The following STARD9 variants were observed in gnomAD, a reference collection of about 807,000 sequenced individuals.
The protein encoded by STARD9 is StAR related lipid transfer domain containing 9, also known as stAR-related lipid transfer protein 9.
In STARD9, 346 loss-of-function variants were observed where a neutral mutation model predicts 399.8. That is an observed-to-expected ratio of 0.87 (90% CI 0.79 to 0.95). The LOEUF (loss-of-function observed/expected upper bound fraction) is 0.95, where lower values mean the gene tolerates loss of function less well. STARD9 is among the 40% of genes least tolerant of loss of function. STARD9 has a pLI of 0.00. For missense variants in STARD9, 5,832 were observed against 5,667.5 expected (o/e 1.03, Z -0.93); for synonymous variants, 2,203 against 2,143.5 (o/e 1.03, Z -0.77).
rs1346931215 is a variant in STARD9 at position 42,684,269 on chromosome 15, C to T, written c.2691C>T (p.Ser897=). The T allele has an allele frequency of 1.3e-6, 2 of 1,537,146 alleles. No individual in the cohort carries two copies. The highest frequency in any genetic ancestry group is 1.4e-5 in the African/African-American group (1 of 73,068). Residue 897 remains serine (S), a synonymous_variant, in exon 23 of 33, where the codon TCC becomes TCT. Coordinates refer to ENST00000290607, the MANE Select transcript of STARD9 (RefSeq NM_020759.3). ...GCCTCCGCAAGAACGGCCTGCATTC[C>T]TCAGGTCATGGGCAGCCCTGCACAG... ...TGCLRKNGLH[S]SGHGQPCTAR...
chr15:42,679,114 C>A (rs572948171), intron 20 of STARD9, among the ~76,000 whole-genome samples: 1 of 152,292 alleles, frequency 6.6e-6, no homozygotes, highest in East Asian at 1.9e-4. Context: ...TCAGGGAGTT[C>A]AGATAAAGAC....
At chr15:42,704,307 AT>A (rs1171813877) in intron 26 of STARD9, among the ~76,000 whole-genome samples, 5 of 152,322 alleles carry the variant, frequency 3.3e-5, no homozygotes, top group African/African-American at 1.2e-4. Flanking sequence ...CAAAACAACT[AT>A]TTTGAATTCC....
At chr15:42,666,239 T>G (rs1454958301) in intron 15 of STARD9, among the ~76,000 whole-genome samples, 1 of 152,076 alleles carries the variant, frequency 6.6e-6, no homozygotes, top group Non-Finnish European at 1.5e-5. Context: ...GGAAACACAT[T>G]TAGAGAATGG....
intron 7 of STARD9, among the ~76,000 whole-genome samples, chr15:42,648,691 C>G (rs184682039): frequency 6.6e-6 from 1 of 152,144 alleles, no homozygotes; most frequent in African/African-American, 2.4e-5. Flanking sequence ...TGCTGGGATT[C>G]TTGAATTGTG....
Position 42,663,438 on chromosome 15 carries a change from C to A in STARD9, c.1026C>A (p.Thr342=). 4 of 1,537,310 alleles carry A rather than the reference C, an allele frequency of 2.6e-6. No homozygotes were observed. Among genetic ancestry groups the A allele is most frequent in the Non-Finnish European group, 2.6e-6 (3 of 1,146,918 alleles). ...TCCCATACCGAGACTCTGTGTTGAC[C>A]TGGCTGCTGAAGGACAGCCTTGGAG... is the stretch of plus-strand genomic sequence containing the variant. ...SYIPYRDSVL[T]WLLKDSLGGN... Residue 342 remains threonine, a synonymous_variant, in exon 12 of 33, where the codon ACC becomes ACA. Coordinates refer to ENST00000290607, the MANE Select transcript of STARD9 (RefSeq NM_020759.3).
chr15:42,592,078 C>T (rs2058407417), intron 3 of STARD9, among the ~76,000 whole-genome samples: 1 of 152,188 alleles, frequency 6.6e-6, no homozygotes, highest in Non-Finnish European at 1.5e-5. Flanking sequence ...TACTAGTGAT[C>T]TGATCATCTC....
intron 29 of STARD9, 61 bp from the exon 30 acceptor site, chr15:42,717,916 G>C: frequency 6.6e-7 from 1 of 1,516,232 alleles, no homozygotes; most frequent in Non-Finnish European, 8.9e-7. Context: ...CCCCTCCTTT[G>C]TGACCCTTAG....
Position 42,710,917 on chromosome 15 carries a change from G to C in STARD9, c.13285-5760G>C, listed in dbSNP as rs955525958. ...TCTCTCTCTCTCTCTCTCTCTCTGT[G>C]TGTGTGTGTCTGTCTCCCTGTCTGT... is the stretch of plus-strand genomic sequence containing the variant. On this transcript the variant is annotated intron_variant, in intron 26 of 32. Coordinates refer to ENST00000290607, the MANE Select transcript of STARD9 (RefSeq NM_020759.3). Among the ~76,000 whole-genome samples, 231 of 142,352 alleles carry C rather than the reference G, an allele frequency of 1.6e-3. 1 individual carries two copies. Among genetic ancestry groups the C allele is most frequent in the African/African-American group, 6.4e-3 (215 of 33,660 alleles). 93.4% of individuals were successfully genotyped at this position (142,352 alleles called of 152,430 possible). A position where few individuals can be genotyped will look rare whatever the true frequency, so the allele number is the denominator to read the frequency against.
At chr15:42,659,037 C>T (rs765997544) in intron 9 of STARD9, among the ~76,000 whole-genome samples, 1 of 152,098 alleles carries the variant, frequency 6.6e-6, no homozygotes, top group Non-Finnish European at 1.5e-5. Context: ...TGCTTGAACC[C>T]AGCAGGCAGA....
intron 26 of STARD9, among the ~76,000 whole-genome samples, chr15:42,715,982 A>G (rs1479190335): frequency 1.3e-5 from 2 of 152,150 alleles, no homozygotes; most frequent in African/African-American, 4.8e-5. Flanking sequence ...ACAGCAGGTG[A>G]GAAGGAGATG....
rs1051210319 is a variant in STARD9, at chr15:42,664,285, A to G, written c.1176+368A>G. 2.6e-5 allele frequency among the ~76,000 whole-genome samples: 4 copies of G among 152,136 alleles called. No individual in the cohort carries two copies. The South Asian group carries it at 6.2e-4, about 24-fold the overall frequency. On this transcript the variant is annotated intron_variant, in intron 13 of 32. Transcript: ENST00000290607. ...GAGCGCAGTGGTGCAATAATGGCTC[A>G]CTCTAAGAAAGTTCATTTAAAAAGT...
rs1566948754 is a variant in STARD9 at position 42,692,699 on chromosome 15, G to A, written c.11121G>A (p.Glu3707=). The A allele has an allele frequency of 6.5e-6, 10 of 1,537,108 alleles. No individual in the cohort carries two copies. The highest frequency in any genetic ancestry group is 1.4e-5 in the African/African-American group (1 of 73,130). Residue 3707 remains glutamate, a synonymous_variant, in exon 23 of 33, where the codon GAG becomes GAA. Coordinates refer to ENST00000290607, the MANE Select transcript of STARD9 (RefSeq NM_020759.3). ...SLSQPDVARR[E]QNTKRDIPDK... Reference sequence around the variant, plus strand: ...CCCAGCCAGATGTGGCCAGAAGGGAGCAGAACACCAAGAGGGACATCCCAG... The same window carrying A: ...CCCAGCCAGATGTGGCCAGAAGGGAACAGAACACCAAGAGGGACATCCCAG...
At chr15:42,683,282 T>C (rs1451443589) in intron 22 of STARD9, among the ~76,000 whole-genome samples, 1 of 152,240 alleles carries the variant, frequency 6.6e-6, no homozygotes, top group Non-Finnish European at 1.5e-5. Context: ...AAAAAAACTT[T>C]ATTATGAAAA....
chr15:42,652,417 C>T (rs941680305), intron 8 of STARD9, 103 bp from the exon 9 acceptor site: 6 of 939,014 alleles, frequency 6.4e-6, no homozygotes, highest in Middle Eastern at 2.1e-4. Flanking sequence ...TGATTCTTGT[C>T]GGTGAACCTC....
Position 42,687,643 on chromosome 15 carries a change from C to T in STARD9, c.6065C>T (p.Ser2022Leu), listed in dbSNP as rs1019963299. Residue 2022 changes from serine (S) to leucine (L), a missense_variant, in exon 23 of 33, where the codon TCA becomes TTA. Physicochemically the swap from Ser to Leu is moderately radical, Grantham distance 145. Around this residue, in one of 2 missense-constraint regions of STARD9, gnomAD observed 5,828 missense variants for 5,651.1 expected, o/e 1.03. Transcript: ENST00000290607. ...PQERNPSECKSQEMLNPNREP... is the reference protein window; with the variant it reads ...PQERNPSECKLQEMLNPNREP... ...GAAAGAAACCCCAGTGAATGCAAGTCACAAGAAATGTTAAATCCCAACAGA... is the reference window on the plus strand; with the variant it reads ...GAAAGAAACCCCAGTGAATGCAAGTTACAAGAAATGTTAAATCCCAACAGA... 50 of 1,536,894 alleles carry T rather than the reference C, an allele frequency of 3.3e-5. 1 individual carries two copies. In the Admixed American group the frequency reaches 9.2e-4, roughly 28 times the overall value.
At chr15:42,581,436 G>C in intron 1 of STARD9, 1 of 1,527,622 alleles carries the variant, frequency 6.5e-7, no homozygotes, top group South Asian at 1.1e-5. Flanking sequence ...GGTGTGGGTG[G>C]GGAAGGCGCG....
chr15:42,629,896 A>T (rs538236949), intron 3 of STARD9: 1 of 151,208 alleles, frequency 6.6e-6, no homozygotes, highest in East Asian at 1.9e-4. Context: ...TTTGTCCTTC[A>T]TTCTGTTGAC....
intron 3 of STARD9, among the ~76,000 whole-genome samples, chr15:42,631,455 C>T (rs1329297718): frequency 5.9e-5 from 9 of 151,814 alleles, no homozygotes; most frequent in South Asian, 2.1e-4. Flanking sequence ...TGGTGTGCGC[C>T]GGTAGTCTCA....
intron 3 of STARD9, among the ~76,000 whole-genome samples, chr15:42,617,002 T>C (rs955446091): frequency 5.3e-5 from 8 of 152,080 alleles, no homozygotes; most frequent in Non-Finnish European, 8.8e-5. Flanking sequence ...AGAAGTAATC[T>C]AATACAAAAA....
Sources: allele counts gnomAD v4.1 joint callset (sites outside exome capture counted in the v4.1 genomes callset), GRCh38; gene constraint gnomAD v4.1.1; regional missense constraint gnomAD v4.1.1; transcripts MANE v1.5; gene names NCBI Gene and HGNC (gene_info 2026-07-23, HGNC 2026-07-21).